The following RNLS variants were observed in gnomAD, a reference collection of about 807,000 sequenced individuals.
The protein encoded by RNLS is renalase, FAD dependent amine oxidase, also known as renalase.
RNLS carries 39 observed loss-of-function variants against 39.8 expected under a neutral mutation model. That is an observed-to-expected ratio of 0.98 (90% CI 0.76 to 1.28). The LOEUF is 1.28. Among genes scored for constraint, RNLS ranks in the 50% most tolerant of loss-of-function variants. RNLS has a pLI of 0.00. For synonymous variants in RNLS, 147 were observed against 150.7 expected (o/e 0.98, Z 0.18); for missense variants, 410 against 413.3 (o/e 0.99, Z 0.07).
At position 88,284,142 on chromosome 10, in the gene RNLS, A is replaced by G; in HGVS notation, c.*1212T>C. 2 of 985,192 alleles carry G rather than the reference A, an allele frequency of 2.0e-6. No homozygotes were observed. Among genetic ancestry groups the G allele is most frequent in the African/African-American group, 3.5e-5 (2 of 57,334 alleles). 61.0% of individuals were successfully genotyped at this position (985,192 alleles called of 1,614,324 possible). On this transcript the variant is annotated 3_prime_UTR_variant, in exon 7 of 7. Transcript: ENST00000331772. ...TTCACCAATTTATTGCTAAGAGGAA[A>G]CATATAATAATATGCTATAGGGTCA...
intron 6 of RNLS, among the ~76,000 whole-genome samples, chr10:88,306,715 A>G (rs1844946992): frequency 6.6e-6 from 1 of 152,166 alleles, no homozygotes; most frequent in Non-Finnish European, 1.5e-5. Flanking sequence ...AAATCTCAGG[A>G]CCAAACAGAT....
At chr10:88,197,395 G>A in the RNLS span, among the ~76,000 whole-genome samples, 1 of 152,076 alleles carries the variant, frequency 6.6e-6, no homozygotes, top group East Asian at 1.9e-4. Context: ...ACTTCCTGGG[G>A]CCCGGCTGTT....
chr10:88,207,681 TAGTC>T, the RNLS span, among the ~76,000 whole-genome samples: 2 of 152,308 alleles, frequency 1.3e-5, no homozygotes, highest in African/African-American at 4.8e-5. Context: ...CCCAACATGA[TAGTC>T]AGTCAATCCT....
chr10:88,386,705 T>C lies in RNLS; in HGVS notation c.527-23980A>G, dbSNP rs894297945. Among the ~76,000 whole-genome samples the C allele has an allele frequency of 5.3e-5, 8 of 152,162 alleles. No individual in the cohort carries two copies. In the East Asian group the frequency reaches 9.6e-4, roughly 18 times the overall value. ...TCATTCCCATGTTACTTAGTTTCCA[T>C]AGATAAGCAGGATGTGAGGGCTGAG... On this transcript the variant is annotated intron_variant, in intron 4 of 6. Transcript: ENST00000331772.
chr10:88,397,691 A>T (rs1009219263), intron 4 of RNLS, among the ~76,000 whole-genome samples: 29 of 152,072 alleles, frequency 1.9e-4, no homozygotes, highest in African/African-American at 6.5e-4. Flanking sequence ...CACAATCGCT[A>T]TAAAATCCCT....
At position 88,523,791 on chromosome 10, in the gene RNLS, G is replaced by T. The variant is rs75879359; in HGVS notation, c.526+49112C>A. On this transcript the variant is annotated intron_variant, in intron 4 of 6. Coordinates refer to ENST00000331772, the MANE Select transcript of RNLS (RefSeq NM_001031709.3). ...GGCAAGCGTGGTTTCAGAATCACCT[G>T]CATAGGAGCCGCATCACTACTCAAT... Among the ~76,000 whole-genome samples, 23 of 152,198 alleles carry T rather than the reference G, an allele frequency of 1.5e-4. No homozygotes were observed. In the East Asian group the frequency reaches 3.9e-3, roughly 26 times the overall value.
chr10:88,226,599 A>G, the RNLS span, among the ~76,000 whole-genome samples: 6 of 152,156 alleles, frequency 3.9e-5, no homozygotes, highest in African/African-American at 9.7e-5. Context: ...TTTACTCTAC[A>G]TATCTTATAA....
At chr10:88,424,139 C>T (rs1341576875) in intron 4 of RNLS, among the ~76,000 whole-genome samples, 2 of 152,180 alleles carry the variant, frequency 1.3e-5, no homozygotes, top group Non-Finnish European at 2.9e-5. Context: ...CTCTGAATCC[C>T]TCCATCGGAA....
the RNLS span, among the ~76,000 whole-genome samples, chr10:88,201,595 G>T: frequency 2.0e-5 from 3 of 152,028 alleles, no homozygotes; most frequent in African/African-American, 7.2e-5. Flanking sequence ...CTCAGAAATG[G>T]ATCCTCCAGT....
At chr10:88,256,927 T>C in the RNLS span, among the ~76,000 whole-genome samples, 33 of 152,096 alleles carry the variant, frequency 2.2e-4, no homozygotes, top group Non-Finnish European at 2.8e-4. Context: ...TATCCTAAAA[T>C]CTTTGCAAGA....
intron 4 of RNLS, among the ~76,000 whole-genome samples, chr10:88,558,557 A>C (rs149459674): frequency 2.0e-5 from 3 of 152,120 alleles, no homozygotes; most frequent in Admixed American, 2.0e-4. Flanking sequence ...TAATAACTGC[A>C]ATAACAGAAG....
intron 5 of RNLS, among the ~76,000 whole-genome samples, chr10:88,353,881 A>T (rs991095989): frequency 6.6e-6 from 1 of 152,160 alleles, no homozygotes; most frequent in East Asian, 1.9e-4. Flanking sequence ...TTGCTTTATG[A>T]ATCTGGGTGC....
intron 4 of RNLS, among the ~76,000 whole-genome samples, chr10:88,559,389 C>G (rs1199391428): frequency 6.6e-6 from 1 of 151,996 alleles, no homozygotes; most frequent in Admixed American, 6.6e-5. Flanking sequence ...AAGATAGATT[C>G]AGTATTTTTG....
chr10:88,193,002 C>T, the RNLS span, among the ~76,000 whole-genome samples: 1 of 152,174 alleles, frequency 6.6e-6, no homozygotes, highest in African/African-American at 2.4e-5. Flanking sequence ...TCATTCCTGA[C>T]ATCGAAGTAT....
chr10:88,384,918 C>T (rs1589703587), intron 4 of RNLS, among the ~76,000 whole-genome samples: 1 of 152,240 alleles, frequency 6.6e-6, no homozygotes, highest in African/African-American at 2.4e-5. Context: ...GGGTCATACT[C>T]ACTTAGGCTT....
chr10:88,447,443 T>A (rs1281176141), intron 4 of RNLS, among the ~76,000 whole-genome samples: 4 of 152,048 alleles, frequency 2.6e-5, no homozygotes, highest in African/African-American at 9.7e-5. Context: ...TAGGAATCCA[T>A]CTTACAAGGG....
chr10:88,432,018 T>C (rs1460564257), intron 4 of RNLS, among the ~76,000 whole-genome samples: 1 of 151,804 alleles, frequency 6.6e-6, no homozygotes, highest in Non-Finnish European at 1.5e-5. Flanking sequence ...TTTTATATCT[T>C]CTTGTTCTAT....
In RNLS at chr10:88,359,962, C is replaced by G. The variant is rs181951782; in HGVS notation, c.700+2590G>C. Among the ~76,000 whole-genome samples the G allele has an allele frequency of 2.9e-3, 442 of 152,206 alleles. 2 individuals carry two copies. The highest frequency in any genetic ancestry group is 1.0e-2 in the African/African-American group (415 of 41,528). On this transcript the variant is annotated intron_variant, in intron 5 of 6. Coordinates refer to ENST00000331772, the MANE Select transcript of RNLS (RefSeq NM_001031709.3). ...CAAATCAACTTTTAATCTGGCTTCA[C>G]CAAAGAAACAGAAATCTATTGAATG... is the stretch of plus-strand genomic sequence containing the variant.
At chr10:88,581,391 C>T (rs907537704) in intron 3 of RNLS, among the ~76,000 whole-genome samples, 176 bp downstream of exon 3, 15 of 149,510 alleles carry the variant, frequency 1.0e-4, no homozygotes, top group Non-Finnish European at 2.1e-4. Context: ...AACATTGTTC[C>T]GGAAATATAC....
Sources: gnomAD v4.1 joint callset for allele counts (sites outside exome capture counted in the v4.1 genomes callset) on GRCh38, gnomAD v4.1.1 for gene constraint, MANE v1.5 for transcripts, NCBI Gene and HGNC (gene_info 2026-07-23, HGNC 2026-07-21) for gene names.